Variants in FAM91A1 observed in about 807,000 individuals in gnomAD.
The protein encoded by FAM91A1 is protein FAM91A1.
A neutral mutation model predicts 113.5 loss-of-function variants in FAM91A1; 41 were observed. The observed-to-expected ratio is 0.36, with a 90% CI of 0.28 to 0.47. The LOEUF (loss-of-function observed/expected upper bound fraction) is 0.47. Among genes scored for constraint, FAM91A1 ranks in the 20% least tolerant of loss-of-function variants. The pLI is 1.00. For missense variants in FAM91A1, 696 were observed against 1,001.2 expected (o/e 0.70, Z 4.11); for synonymous variants, 307 against 347.9 (o/e 0.88, Z 1.31).
intron 18 of FAM91A1, among the ~76,000 whole-genome samples, chr8:123,802,315 A>C (rs1290280782): frequency 6.6e-6 from 1 of 152,162 alleles, no homozygotes; most frequent in Non-Finnish European, 1.5e-5. Context: ...CAATTAATAG[A>C]ATTGATCAGA....
At chr8:123,810,176 C>A in intron 22 of FAM91A1, 106 bp from the exon 23 acceptor site, 1 of 1,028,696 alleles carries the variant, frequency 9.7e-7, no homozygotes, top group South Asian at 1.7e-5. Context: ...TTGTGATTGG[C>A]CAGGATATAT....
intron 1 of FAM91A1, among the ~76,000 whole-genome samples, chr8:123,769,329 G>GTT (rs561996044): frequency 6.9e-4 from 105 of 152,312 alleles, no homozygotes; most frequent in Non-Finnish European, 1.6e-4. Context: ...GCTTGGATGA[G>GTT]TGAAAGAACA....
At chr8:123,770,861 A>G (rs1586364565) in intron 1 of FAM91A1, among the ~76,000 whole-genome samples, 1 of 152,176 alleles carries the variant, frequency 6.6e-6, no homozygotes. Context: ...CCATTTGTAG[A>G]TGTTGCAAAA....
At chr8:123,789,179 G>T (rs987477810) in intron 14 of FAM91A1, among the ~76,000 whole-genome samples, 2 of 152,122 alleles carry the variant, frequency 1.3e-5, no homozygotes, top group Non-Finnish European at 2.9e-5. Context: ...TTCAGCAATG[G>T]TGAACAGCTA....
At chr8:123,787,397 A>G (rs781649461) in intron 13 of FAM91A1, 24 bp downstream of exon 13, 2 of 1,543,928 alleles carry the variant, frequency 1.3e-6, no homozygotes, top group African/African-American at 2.7e-5. Flanking sequence ...TTGTTTAAAT[A>G]TGAAGGTGTT....
chr8:123,800,003 A>T, intron 18 of FAM91A1, 118 bp downstream of exon 18: 3 of 870,608 alleles, frequency 3.4e-6, no homozygotes, highest in Non-Finnish European at 5.1e-6. Flanking sequence ...GTTGAAATGT[A>T]AAAAATCAGA....
chr8:123,790,434 A>T (rs1471927640), intron 15 of FAM91A1, among the ~76,000 whole-genome samples: 6 of 152,222 alleles, frequency 3.9e-5, no homozygotes, highest in Non-Finnish European at 7.3e-5. Flanking sequence ...TCCAGTGCTC[A>T]GCTAGGCTTG....
intron 7 of FAM91A1, 95 bp from the exon 8 acceptor site, chr8:123,780,385 G>T (rs890206703): frequency 5.3e-6 from 5 of 951,860 alleles, no homozygotes; most frequent in African/African-American, 3.4e-5. Flanking sequence ...GCATTCATTT[G>T]TAAGAATCTT....
intron 18 of FAM91A1, among the ~76,000 whole-genome samples, chr8:123,804,363 C>T (rs963405235): frequency 1.1e-4 from 16 of 151,316 alleles, no homozygotes; most frequent in Non-Finnish European, 1.9e-4. Flanking sequence ...TGGTGGCGGG[C>T]GCCTGTAATC....
chr8:123,788,105 A>T, intron 14 of FAM91A1: 1 of 785,570 alleles, frequency 1.3e-6, no homozygotes, highest in Non-Finnish European at 1.5e-6. Context: ...ATCACCTCTT[A>T]AGCAGTTTGA....
intron 4 of FAM91A1, 31 bp downstream of exon 4, chr8:123,777,353 T>A (rs751181140): frequency 6.3e-7 from 1 of 1,586,168 alleles, no homozygotes; most frequent in Admixed American, 1.7e-5. Context: ...AAGAAGGTAA[T>A]GTTTAGGTTG....
At chr8:123,802,007 G>A (rs1283644643) in intron 18 of FAM91A1, among the ~76,000 whole-genome samples, 1 of 152,128 alleles carries the variant, frequency 6.6e-6, no homozygotes, top group East Asian at 1.9e-4. Flanking sequence ...GTCTGGAGAA[G>A]TAGGCTGGCC....
intron 23 of FAM91A1, chr8:123,810,737 T>TC (rs1815935426): frequency 4.9e-6 from 1 of 203,842 alleles, no homozygotes. Flanking sequence ...TTCTTGTTTT[T>TC]CCCCCATCCC....
chr8:123,769,915 G>A (rs1158183875), intron 1 of FAM91A1, among the ~76,000 whole-genome samples: 1 of 152,066 alleles, frequency 6.6e-6, no homozygotes, highest in Non-Finnish European at 1.5e-5. Flanking sequence ...GTTTGGAATG[G>A]TGGCGGTGAT....
intron 15 of FAM91A1, among the ~76,000 whole-genome samples, chr8:123,791,675 A>C (rs1815388414): frequency 6.6e-6 from 1 of 152,152 alleles, no homozygotes. Context: ...CCTCATCTGA[A>C]TTGCAGAACA....
intron 1 of FAM91A1, among the ~76,000 whole-genome samples, chr8:123,769,594 A>G (rs931237879): frequency 6.6e-6 from 1 of 152,194 alleles, no homozygotes; most frequent in Non-Finnish European, 1.5e-5. Flanking sequence ...GTTTTACTCA[A>G]TTGTTTAATA....
chr8:123,778,868 T>C, intron 6 of FAM91A1, 96 bp downstream of exon 6: 1 of 811,280 alleles, frequency 1.2e-6, no homozygotes, highest in Non-Finnish European at 1.8e-6. Context: ...AGTAACATTG[T>C]TTTCCTGAAG....
chr8:123,783,812 A>G (rs1815183260), intron 8 of FAM91A1, among the ~76,000 whole-genome samples: 1 of 152,206 alleles, frequency 6.6e-6, no homozygotes, highest in Non-Finnish European at 1.5e-5. Context: ...GTATGAATGA[A>G]CATTCAGGTG....
Position 123,799,515 on chromosome 8 carries a change from T to C in FAM91A1, c.1561-5T>C, listed in dbSNP as rs751876381. 1 of 1,608,632 alleles carries C rather than the reference T, an allele frequency of 6.2e-7. No homozygotes were observed. The highest frequency in any genetic ancestry group is 2.2e-5 in the East Asian group (1 of 44,834). On this transcript the variant is annotated splice_region_variant and splice_polypyrimidine_tract_variant and intron_variant, in intron 16 of 23. Coordinates refer to ENST00000334705, the MANE Select transcript of FAM91A1 (RefSeq NM_144963.4). ...AACTTTATCTTAACTGTTTTATGAT[T>C]GTAGCATATTGGACCAGCTATCCCA...
Sources: gnomAD v4.1 joint callset for allele counts (sites outside exome capture counted in the v4.1 genomes callset) on GRCh38, gnomAD v4.1.1 for gene constraint, MANE v1.5 for transcripts, NCBI Gene and HGNC (gene_info 2026-07-23, HGNC 2026-07-21) for gene names.